The following GJA1 variants were observed in gnomAD, a reference collection of about 807,000 sequenced individuals.
The protein encoded by GJA1 is gap junction alpha-1 protein.
Under a neutral mutation model 31.0 loss-of-function variants are expected in GJA1, and 9 were observed. The observed-to-expected ratio is 0.29, with a 90% confidence interval of 0.17 to 0.51. GJA1 has a LOEUF of 0.51. GJA1 is among the 20% of genes least tolerant of loss of function. The pLI is 0.98. For synonymous variants in GJA1, 186 were observed against 180.1 expected (o/e 1.03, Z -0.26); for missense variants, 278 against 468.8 (o/e 0.59, Z 3.76).
chr6:121,440,309 C>T (rs940731109), intron 1 of GJA1, among the ~76,000 whole-genome samples: 3 of 152,036 alleles, frequency 2.0e-5, no homozygotes, highest in Non-Finnish European at 4.4e-5. Context: ...AGAATCCTAA[C>T]CCTCATTAGG....
At chr6:121,436,366 C>T (rs1336564864) in intron 1 of GJA1, among the ~76,000 whole-genome samples, 3 of 152,108 alleles carry the variant, frequency 2.0e-5, no homozygotes, top group Non-Finnish European at 4.4e-5. Context: ...TCTTTTGTGA[C>T]GAAGTGCTTT....
chr6:121,442,036 C>G (rs111257691), intron 1 of GJA1, among the ~76,000 whole-genome samples: 1 of 152,282 alleles, frequency 6.6e-6, no homozygotes, highest in East Asian at 1.9e-4. Flanking sequence ...ATGATTTTAT[C>G]GGGAACTTCC....
rs1232356984 is a variant in GJA1 at position 121,447,860 on chromosome 6, C to T, written c.1013C>T (p.Pro338Leu). 6.2e-7 allele frequency: 1 copy of T among 1,613,796 alleles called. No homozygotes were observed. Among genetic ancestry groups the T allele is most frequent in the Non-Finnish European group, 8.5e-7 (1 of 1,179,834 alleles). ...TCCCATGCACAGCCTTTTGATTTCCCCGATGATAACCAGAATTCTAAAAAA... is the reference window on the plus strand; with the variant it reads ...TCCCATGCACAGCCTTTTGATTTCCTCGATGATAACCAGAATTCTAAAAAA... ...SNSHAQPFDF[P>L]DDNQNSKKLA... is the part of the protein sequence containing the mutation. Residue 338 changes from proline to leucine, a missense_variant, in exon 2 of 2, where the codon CCC (proline) becomes CTC (leucine). This residue lies in a region of GJA1 where 172 missense variants were observed against 190.9 expected (regional missense o/e 0.90). Transcript: ENST00000282561.
In GJA1 at chr6:121,446,997, T is replaced by C; in HGVS notation, c.150T>C (p.Ser50=). ...AVESAWGDEQ[S]AFRCNTQQPG... is the part of the protein sequence containing the mutation. Reference sequence around the variant, plus strand: ...AGTCAGCCTGGGGAGATGAGCAGTCTGCCTTTCGTTGTAACACTCAGCAAC... The same window carrying C: ...AGTCAGCCTGGGGAGATGAGCAGTCCGCCTTTCGTTGTAACACTCAGCAAC... The change falls in exon 2 of 2, where the codon TCT becomes TCC. Residue 50 remains serine (S), a synonymous_variant. Coordinates refer to ENST00000282561, the MANE Select transcript of GJA1 (RefSeq NM_000165.5). 4.3e-6 allele frequency: 7 copies of C among 1,614,164 alleles called. No homozygotes were observed. In the South Asian group the frequency reaches 4.4e-5, roughly 10 times the overall value.
At chr6:121,444,629 G>T (rs1773854026) in intron 1 of GJA1, among the ~76,000 whole-genome samples, 1 of 152,150 alleles carries the variant, frequency 6.6e-6, no homozygotes, top group Non-Finnish European at 1.5e-5. Context: ...CAGCTCAATA[G>T]TTCAACACCA....
In GJA1 at chr6:121,447,660, C is replaced by T; in HGVS notation, c.813C>T (p.Cys271=). 2 of 1,613,936 alleles carry T rather than the reference C, an allele frequency of 1.2e-6. No homozygotes were observed. Among genetic ancestry groups the T allele is most frequent in the Non-Finnish European group, 1.7e-6 (2 of 1,179,894 alleles). ...GSQKYAYFNG[C]SSPTAPLSPM... Reference sequence around the variant, plus strand: ...AAAAATATGCTTATTTCAATGGCTGCTCCTCACCAACCGCTCCCCTCTCGC... The same window carrying T: ...AAAAATATGCTTATTTCAATGGCTGTTCCTCACCAACCGCTCCCCTCTCGC... The change falls in exon 2 of 2, where the codon TGC becomes TGT. Residue 271 remains cysteine (C), a synonymous_variant. Coordinates refer to ENST00000282561, the MANE Select transcript of GJA1 (RefSeq NM_000165.5).
chr6:121,442,079 A>G (rs1334909466), intron 1 of GJA1, among the ~76,000 whole-genome samples: 1 of 152,100 alleles, frequency 6.6e-6, no homozygotes, highest in Non-Finnish European at 1.5e-5. Flanking sequence ...TTAGACTCTG[A>G]TTTTATTCTT....
chr6:121,448,063 C>T lies in GJA1; in HGVS notation c.*67C>T. ...AAGAAAAAAGGTGCTGTAGAAAGTG[C>T]ACCAGGTGTTAATTTTGATCCGGTG... is the stretch of plus-strand genomic sequence containing the variant. On this transcript the variant is annotated 3_prime_UTR_variant, in exon 2 of 2. Coordinates refer to ENST00000282561, the MANE Select transcript of GJA1 (RefSeq NM_000165.5). 7.2e-7 allele frequency: 1 copy of T among 1,393,904 alleles called. No homozygotes were observed. Among genetic ancestry groups the T allele is most frequent in the Non-Finnish European group, 1.0e-6 (1 of 980,610 alleles). 86.3% of individuals were successfully genotyped at this position (1,393,904 alleles called of 1,614,324 possible). A position where few individuals can be genotyped will look rare whatever the true frequency, so the allele number is the denominator to read the frequency against.
Position 121,448,061 on chromosome 6 carries a change from T to G in GJA1, c.*65T>G. On this transcript the variant is annotated 3_prime_UTR_variant, in exon 2 of 2. Coordinates refer to ENST00000282561, the MANE Select transcript of GJA1 (RefSeq NM_000165.5). ...AGAAGAAAAAAGGTGCTGTAGAAAG[T>G]GCACCAGGTGTTAATTTTGATCCGG... 7.2e-7 allele frequency: 1 copy of G among 1,394,112 alleles called. No homozygotes were observed. Among genetic ancestry groups the G allele is most frequent in the South Asian group, 1.2e-5 (1 of 86,362 alleles). The allele number at this position is 1,394,112 out of a possible 1,614,324, so 86.4% of individuals were successfully genotyped here. A position where few individuals can be genotyped will look rare whatever the true frequency, so the allele number is the denominator to read the frequency against.
Position 121,447,607 on chromosome 6 carries a change from C to G in GJA1, c.760C>G (p.Leu254Val), listed in dbSNP as rs1721465808. Residue 254 changes from leucine (L) to valine (V), a missense_variant, in exon 2 of 2, where the codon CTG (leucine) becomes GTG (valine). Leu to Val is a conservative substitution (Grantham distance 32, BLOSUM62 1). This residue lies in a region of GJA1 where 172 missense variants were observed against 190.9 expected (regional missense o/e 0.90). Coordinates refer to ENST00000282561, the MANE Select transcript of GJA1 (RefSeq NM_000165.5). ...SDPYHATSGA[L>V]SPAKDCGSQK... ...CCCTTACCATGCGACCAGTGGTGCG[C>G]TGAGCCCTGCCAAAGACTGTGGGTC... 3 of 1,614,012 alleles carry G rather than the reference C, an allele frequency of 1.9e-6. No homozygotes were observed. The highest frequency in any genetic ancestry group is 2.5e-6 in the Non-Finnish European group (3 of 1,179,982).
At chr6:121,444,070 G>T (rs1330578545) in intron 1 of GJA1, among the ~76,000 whole-genome samples, 1 of 151,028 alleles carries the variant, frequency 6.6e-6, no homozygotes. Context: ...AAATTGTAGG[G>T]TTTTTTTTTC....
At chr6:121,444,114 C>A (rs1207748401) in intron 1 of GJA1, among the ~76,000 whole-genome samples, 1 of 152,120 alleles carries the variant, frequency 6.6e-6, no homozygotes, top group African/African-American at 2.4e-5. Flanking sequence ...CTGTCCATCA[C>A]GGCTAAATTA....
At chr6:121,446,307 C>T (rs182057235) in intron 1 of GJA1, among the ~76,000 whole-genome samples, 1 of 150,324 alleles carries the variant, frequency 6.7e-6, no homozygotes, top group African/African-American at 2.4e-5. Flanking sequence ...AAAAAAAAAT[C>T]TTTCAGAGTG....
In GJA1 at chr6:121,447,149, G is replaced by A. The variant is rs755535373; in HGVS notation, c.302G>A (p.Arg101Gln). ...CTGGCTCATGTGTTCTATGTGATGC[G>A]AAAGGAAGAGAAACTGAACAAGAAA... The part of the protein sequence containing the change: ...LYLAHVFYVM[R>Q]KEEKLNKKEE... The change falls in exon 2 of 2, where the codon CGA becomes CAA. Residue 101 changes from arginine to glutamine, a missense_variant. Arg to Gln is a conservative substitution (Grantham distance 43, BLOSUM62 1). This residue lies in a region of GJA1 where 80 missense variants were observed against 163.5 expected (regional missense o/e 0.49). Coordinates refer to ENST00000282561, the MANE Select transcript of GJA1 (RefSeq NM_000165.5). 18 of 1,613,788 alleles carry A rather than the reference G, an allele frequency of 1.1e-5. No individual in the cohort carries two copies. The highest frequency in any genetic ancestry group is 5.0e-5 in the Admixed American group (3 of 59,992).
Position 121,448,107 on chromosome 6 carries a change from C to T in GJA1, c.*111C>T. 1.0e-6 allele frequency: 1 copy of T among 958,176 alleles called. No homozygotes were observed. The highest frequency in any genetic ancestry group is 1.3e-5 in the South Asian group (1 of 74,958). The allele number at this position is 958,176 out of a possible 1,614,324, so 59.4% of individuals were successfully genotyped here. ...TCCGGTGGAGGTGGTACTCAACAGCCTTATTCATGAGGCTTAGAAAACACA... is the reference window on the plus strand; with the variant it reads ...TCCGGTGGAGGTGGTACTCAACAGCTTTATTCATGAGGCTTAGAAAACACA... On this transcript the variant is annotated 3_prime_UTR_variant, in exon 2 of 2. Transcript: ENST00000282561.
At chr6:121,437,489 C>A (rs1472408016) in intron 1 of GJA1, among the ~76,000 whole-genome samples, 1 of 151,862 alleles carries the variant, frequency 6.6e-6, no homozygotes, top group Non-Finnish European at 1.5e-5. Context: ...CCTGAAACTT[C>A]CCGAGAATGA....
chr6:121,440,994 G>A (rs924773447), intron 1 of GJA1, among the ~76,000 whole-genome samples: 2 of 151,790 alleles, frequency 1.3e-5, no homozygotes, highest in Admixed American at 6.6e-5. Context: ...CCAGGCTGGA[G>A]TGCAGTGGCG....
intron 1 of GJA1, among the ~76,000 whole-genome samples, chr6:121,437,364 TTC>T (rs869073043): frequency 0.044 from 6,062 of 136,956 alleles, 161 homozygotes; most frequent in African/African-American, 0.078. Flanking sequence ...CTTTTTTTTT[TTC>T]TTTTTCTTTT....
chr6:121,440,596 G>C (rs181309843), intron 1 of GJA1, among the ~76,000 whole-genome samples: 1 of 150,562 alleles, frequency 6.6e-6, no homozygotes. Flanking sequence ...TTAGAAATTT[G>C]AGATATAACT....
Sources: allele counts gnomAD v4.1 joint callset (sites outside exome capture counted in the v4.1 genomes callset), GRCh38; gene constraint gnomAD v4.1.1; regional missense constraint gnomAD v4.1.1; transcripts MANE v1.5; gene names NCBI Gene and HGNC (gene_info 2026-07-23, HGNC 2026-07-21).